PCDH9: variants seen among roughly 807,000 people sequenced by gnomAD.
PCDH9 encodes protocadherin 9.
In PCDH9, 24 loss-of-function variants were observed where a neutral mutation model predicts 70.6. That is an observed-to-expected ratio of 0.34 (90% confidence interval 0.25 to 0.48). The LOEUF (loss-of-function observed/expected upper bound fraction) is 0.48. PCDH9 is among the 20% of genes least tolerant of loss of function. The probability of loss-of-function intolerance (pLI) is 0.99; values close to 1 mark genes in which losing one functional copy is unlikely to be tolerated. For synonymous variants in PCDH9, 562 were observed against 558.5 expected, an observed-to-expected ratio of 1.01 and a Z score of -0.09; for missense variants, 1,281 against 1,503.6, an observed-to-expected ratio of 0.85 and a Z score of 2.45.
intron 4 of PCDH9, among the ~76,000 whole-genome samples, chr13:66,576,371 C>T (rs988152287): frequency 2.0e-5 from 3 of 151,944 alleles, no homozygotes; most frequent in African/African-American, 7.2e-5. Context: ...TGTCCATAAT[C>T]GTAGCAATGA....
chr13:66,448,743 C>T (rs1282240076), intron 4 of PCDH9, among the ~76,000 whole-genome samples: 3 of 152,082 alleles, frequency 2.0e-5, no homozygotes, highest in African/African-American at 7.2e-5. Flanking sequence ...AAATTATTTG[C>T]TTGTAAAAGA....
chr13:67,110,633 A>C (rs938690185), intron 2 of PCDH9, among the ~76,000 whole-genome samples: 2 of 152,198 alleles, frequency 1.3e-5, no homozygotes, highest in African/African-American at 4.8e-5. Context: ...CTATGCTCCA[A>C]GCATTATACA....
At chr13:66,647,947 G>A (rs1049043989) in intron 3 of PCDH9, among the ~76,000 whole-genome samples, 3 of 152,052 alleles carry the variant, frequency 2.0e-5, no homozygotes, top group Non-Finnish European at 2.9e-5. Flanking sequence ...GGGAAGAGAC[G>A]GCCAGGGGGA....
intron 4 of PCDH9, among the ~76,000 whole-genome samples, chr13:66,371,269 G>A (rs1956646765): frequency 6.6e-6 from 1 of 152,020 alleles, no homozygotes; most frequent in South Asian, 2.1e-4. Context: ...AATCAACATG[G>A]GAAAAGTGAG....
intron 2 of PCDH9, among the ~76,000 whole-genome samples, chr13:67,137,071 A>T (rs1171019465): frequency 1.3e-5 from 2 of 152,104 alleles, no homozygotes; most frequent in East Asian, 3.9e-4. Flanking sequence ...ATGTATACAT[A>T]TGTAGCAAAC....
chr13:66,949,177 A>G lies in PCDH9; in HGVS notation c.3037-45572T>C, dbSNP rs534274638. 5.9e-5 allele frequency among the ~76,000 whole-genome samples: 9 copies of G among 152,240 alleles called. No individual in the cohort carries two copies. The South Asian group carries it at 1.9e-3, about 32-fold the overall frequency. The stretch of plus-strand genomic sequence containing the variant: ...TCTTTATATCTAAGAGGATTCTAGC[A>G]TTTATCCAAAATGGTATTTCCCTTT... On this transcript the variant is annotated intron_variant, in intron 2 of 4. Coordinates refer to ENST00000377865, the MANE Select transcript of PCDH9 (RefSeq NM_203487.3).
chr13:66,584,907 G>A (rs890045694), intron 4 of PCDH9, among the ~76,000 whole-genome samples: 4 of 152,072 alleles, frequency 2.6e-5, no homozygotes, highest in Admixed American at 6.5e-5. Context: ...CGAAAAGAAG[G>A]TGGTATTTAA....
At chr13:66,869,541 G>T (rs1361299407) in intron 3 of PCDH9, among the ~76,000 whole-genome samples, 2 of 151,932 alleles carry the variant, frequency 1.3e-5, no homozygotes, top group Non-Finnish European at 2.9e-5. Flanking sequence ...AAATTGTATT[G>T]TTTCCCATCT....
At chr13:67,211,917 T>C (rs753084103) in intron 2 of PCDH9, 9 of 152,110 alleles carry the variant, frequency 5.9e-5, no homozygotes, top group Non-Finnish European at 1.2e-4. Flanking sequence ...ATATCATGAC[T>C]TGAAACAGCC....
intron 3 of PCDH9, among the ~76,000 whole-genome samples, chr13:66,753,043 A>T (rs996652496): frequency 3.9e-5 from 6 of 152,156 alleles, no homozygotes; most frequent in African/African-American, 1.4e-4. Flanking sequence ...TTCTAAAAAG[A>T]GATAGTGTTT....
At chr13:66,457,559 T>G (rs1341452080) in intron 4 of PCDH9, among the ~76,000 whole-genome samples, 1 of 152,028 alleles carries the variant, frequency 6.6e-6, no homozygotes, top group African/African-American at 2.4e-5. Flanking sequence ...AATCCCCAAA[T>G]ATTGCACTAA....
intron 4 of PCDH9, among the ~76,000 whole-genome samples, chr13:66,428,519 T>C (rs1957713144): frequency 3.3e-5 from 5 of 151,760 alleles, no homozygotes; most frequent in Admixed American, 3.3e-4. Context: ...TGACAACTTT[T>C]AGTCCGTGGT....
chr13:66,411,823 T>C (rs1262260470), intron 4 of PCDH9, among the ~76,000 whole-genome samples: 5 of 152,198 alleles, frequency 3.3e-5, no homozygotes, highest in African/African-American at 4.8e-5. Flanking sequence ...TATATGTCAA[T>C]GTTGATCTAG....
chr13:66,350,109 C>T (rs181562933), intron 4 of PCDH9, among the ~76,000 whole-genome samples: 7 of 152,248 alleles, frequency 4.6e-5, no homozygotes, highest in Non-Finnish European at 1.5e-5. Flanking sequence ...TCTACAGCTT[C>T]CAGTTCTGAC....
intron 2 of PCDH9, among the ~76,000 whole-genome samples, chr13:67,130,130 C>T (rs1183366870): frequency 6.6e-6 from 1 of 152,034 alleles, no homozygotes; most frequent in Non-Finnish European, 1.5e-5. Context: ...AACCTTGGTG[C>T]CTACCAGACT....
At chr13:66,318,782 T>C (rs1401327565) in intron 4 of PCDH9, among the ~76,000 whole-genome samples, 1 of 152,196 alleles carries the variant, frequency 6.6e-6, no homozygotes, top group Non-Finnish European at 1.5e-5. Flanking sequence ...GTTAATCACA[T>C]TTGCTTTCCA....
At chr13:67,225,366 G>T in intron 2 of PCDH9, 39 bp downstream of exon 2, 1 of 1,586,710 alleles carries the variant, frequency 6.3e-7, no homozygotes, top group Non-Finnish European at 8.7e-7. Flanking sequence ...CTGGGCACTT[G>T]TATGCAGTAC....
intron 3 of PCDH9, among the ~76,000 whole-genome samples, chr13:66,746,619 A>T (rs938247935): frequency 6.6e-6 from 1 of 152,194 alleles, no homozygotes; most frequent in African/African-American, 2.4e-5. Context: ...AAGTGAAAAT[A>T]AGTATATACA....
intron 4 of PCDH9, among the ~76,000 whole-genome samples, chr13:66,520,827 C>T (rs143004452): frequency 1.1e-4 from 17 of 152,202 alleles, no homozygotes; most frequent in South Asian, 8.3e-4. Context: ...GTTTCTGTGA[C>T]ATCAGGAAAC....
Sources: gnomAD v4.1 joint callset for allele counts (sites outside exome capture counted in the v4.1 genomes callset) on GRCh38, gnomAD v4.1.1 for gene constraint, MANE v1.5 for transcripts, NCBI Gene and HGNC (gene_info 2026-07-23, HGNC 2026-07-21) for gene names.